The following CUX2 variants were observed in gnomAD, a reference collection of about 807,000 sequenced individuals.
The protein encoded by CUX2 is homeobox protein cut-like 2.
A neutral mutation model predicts 144.8 loss-of-function variants in CUX2; 40 were observed. That is an observed-to-expected ratio of 0.28 (90% CI 0.21 to 0.36). The LOEUF (loss-of-function observed/expected upper bound fraction) is 0.36, where lower values mean the gene tolerates loss of function less well. Ranked by LOEUF, CUX2 falls within the 10% of genes least tolerant of loss-of-function variation. CUX2 has a pLI of 1.00. For synonymous variants in CUX2, 827 were observed against 875.6 expected (o/e 0.94, Z 0.98); for missense variants, 1,615 against 1,994.0 (o/e 0.81, Z 3.62).
At position 111,348,516 on chromosome 12, in the gene CUX2, T is replaced by G; in HGVS notation, c.*191T>G. ...GTGTGAGCAGGTGGGTCAAATGCCA[T>G]TGCCTCCACTTTTCTGCACCCCCCT... On this transcript the variant is annotated 3_prime_UTR_variant, in exon 22 of 22. Coordinates refer to ENST00000261726, the MANE Select transcript of CUX2 (RefSeq NM_015267.4). 1.6e-6 allele frequency: 1 copy of G among 610,970 alleles called. No individual in the cohort carries two copies. The highest frequency in any genetic ancestry group is 2.8e-6 in the Non-Finnish European group (1 of 356,570). The allele number at this position is 610,970 out of a possible 1,614,324, so 37.8% of individuals were successfully genotyped here.
At chr12:111,103,609 T>C (rs1873404425) in intron 1 of CUX2, among the ~76,000 whole-genome samples, 1 of 152,176 alleles carries the variant, frequency 6.6e-6, no homozygotes, top group Non-Finnish European at 1.5e-5. Flanking sequence ...GAATCTCAAA[T>C]AGACTTTTCA....
At chr12:111,244,849 C>A (rs1052992217) in intron 3 of CUX2, among the ~76,000 whole-genome samples, 1 of 152,168 alleles carries the variant, frequency 6.6e-6, no homozygotes, top group Non-Finnish European at 1.5e-5. Context: ...AAGCAGAAAC[C>A]AGATTTCATT....
At position 111,034,331 on chromosome 12, in the gene CUX2, C is replaced by A; in HGVS notation, c.63+91C>A. The A allele has an allele frequency of 1.4e-6, 1 of 723,284 alleles. No homozygotes were observed. The highest frequency in any genetic ancestry group is 1.7e-6 in the Non-Finnish European group (1 of 581,146). 44.8% of individuals were successfully genotyped at this position (723,284 alleles called of 1,614,324 possible). A position where few individuals can be genotyped will look rare whatever the true frequency, so the allele number is the denominator to read the frequency against. On this transcript the variant is annotated intron_variant, in intron 1 of 21. Transcript: ENST00000261726. This position sits in a 1 kb window ranked among gnomAD's most constrained non-coding sequence, Gnocchi z 4.2. ...GGAGGTCCCCGGGCGGGCAGGCGGA[C>A]GCCCTGGGGCGGCGGGCGGCGGCTG... is the stretch of plus-strand genomic sequence containing the variant.
chr12:111,254,609 T>C (rs571425339), intron 3 of CUX2, among the ~76,000 whole-genome samples: 37 of 152,276 alleles, frequency 2.4e-4, no homozygotes, highest in African/African-American at 8.7e-4. Flanking sequence ...CTCAAAACGA[T>C]TTAATGACTG....
At chr12:111,309,908 T>G (rs1886795865) in intron 14 of CUX2, 133 bp from the exon 15 acceptor site, 1 of 758,200 alleles carries the variant, frequency 1.3e-6, no homozygotes, top group South Asian at 6.7e-5. Flanking sequence ...TGATGTGGTT[T>G]CTCTCTCTGT....
chr12:111,059,847 AC>A lies in CUX2; in HGVS notation c.63+25611del. Among the ~76,000 whole-genome samples, 1 of 151,906 alleles carries A rather than the reference AC, an allele frequency of 6.6e-6. No individual in the cohort carries two copies. The highest frequency in any genetic ancestry group is 6.6e-5 in the Admixed American group (1 of 15,264). On this transcript the variant is annotated intron_variant, in intron 1 of 21. Transcript: ENST00000261726. The surrounding 1 kb of genome is among the most constrained non-coding windows in gnomAD (Gnocchi z 5.3). ...GCATGGGCCCCTTTCTCCCCAGCTT[AC>A]CCCTACCAGACTTAAGCCTGACTTC...
At chr12:111,213,835 A>T (rs1175424465) in intron 1 of CUX2, among the ~76,000 whole-genome samples, 1 of 150,504 alleles carries the variant, frequency 6.6e-6, no homozygotes, top group Non-Finnish European at 1.5e-5. Flanking sequence ...TGGTCTGGAG[A>T]TGTTTTCTAC....
intron 3 of CUX2, among the ~76,000 whole-genome samples, chr12:111,254,495 T>TA (rs1883714562): frequency 6.6e-6 from 1 of 152,186 alleles, no homozygotes; most frequent in African/African-American, 2.4e-5. Context: ...ATCACTGACT[T>TA]ACACATGAGG....
At chr12:111,050,496 G>A (rs1360828225) in intron 1 of CUX2, among the ~76,000 whole-genome samples, 1 of 152,120 alleles carries the variant, frequency 6.6e-6, no homozygotes, top group Non-Finnish European at 1.5e-5. Context: ...AGGTCAAGAC[G>A]TTCAAAACCT....
intron 21 of CUX2, among the ~76,000 whole-genome samples, chr12:111,346,077 C>A (rs1888790460): frequency 6.8e-6 from 1 of 146,240 alleles, no homozygotes; most frequent in Non-Finnish European, 1.5e-5. Flanking sequence ...CACTGCACTC[C>A]AGCCTGGCAA....
At chr12:111,290,619 G>T (rs1189270085) in intron 4 of CUX2, among the ~76,000 whole-genome samples, 1 of 151,966 alleles carries the variant, frequency 6.6e-6, no homozygotes, top group African/African-American at 2.4e-5. Flanking sequence ...GTAGCAACGG[G>T]GTTTCACCAT....
At chr12:111,256,429 C>T (rs924584594) in intron 3 of CUX2, among the ~76,000 whole-genome samples, 3 of 152,172 alleles carry the variant, frequency 2.0e-5, no homozygotes, top group African/African-American at 4.8e-5. Context: ...TGCCTCCTCT[C>T]GCTTGTCCAC....
chr12:111,321,474 A>G (rs566670693), intron 17 of CUX2, among the ~76,000 whole-genome samples: 2 of 143,996 alleles, frequency 1.4e-5, no homozygotes, highest in African/African-American at 5.1e-5. Context: ...ATCTCAAAAG[A>G]AAAAAAAAAA....
chr12:111,098,000 C>T (rs1872931835), intron 1 of CUX2, among the ~76,000 whole-genome samples: 1 of 152,174 alleles, frequency 6.6e-6, no homozygotes, highest in Admixed American at 6.5e-5. Context: ...CTAAGAGCTA[C>T]AGGAAGCCAT....
rs1206055312 is a variant in CUX2, at chr12:111,320,415, C to T, written c.2406C>T (p.Ser802=). Residue 802 remains serine, a synonymous_variant, in exon 17 of 22, where the codon TCC becomes TCT. Transcript: ENST00000261726. This position sits in a 1 kb window ranked among gnomAD's most constrained non-coding sequence, Gnocchi z 8.1. The part of the protein sequence containing the change: ...DRGLLSRPYA[S]VSPSLSSSSS... ...GCCTGCTCAGCCGCCCCTACGCCTC[C>T]GTGTCGCCCTCGCTGTCCTCCTCCT... 2 of 1,597,642 alleles carry T rather than the reference C, an allele frequency of 1.3e-6. No homozygotes were observed. Among genetic ancestry groups the T allele is most frequent in the Admixed American group, 1.7e-5 (1 of 59,934 alleles).
chr12:111,347,830 C>T lies in CUX2; in HGVS notation c.3966C>T (p.Asp1322=). The change falls in exon 22 of 22, where the codon GAC becomes GAT. Residue 1322 remains aspartate (D), a synonymous_variant. Transcript: ENST00000261726. ...GSQPQDSGEL[D]KGQGPPKEEH... ...AGCCCCAGGACTCAGGGGAGCTGGA[C>T]AAAGGCCAAGGTCCCCCCAAAGAGG... 2 of 1,614,072 alleles carry T rather than the reference C, an allele frequency of 1.2e-6. No homozygotes were observed. The highest frequency in any genetic ancestry group is 1.7e-6 in the Non-Finnish European group (2 of 1,180,008).
chr12:111,274,506 A>C (rs1007147525), intron 4 of CUX2, among the ~76,000 whole-genome samples: 4 of 152,184 alleles, frequency 2.6e-5, no homozygotes, highest in Non-Finnish European at 5.9e-5. Flanking sequence ...ATCAGCACCC[A>C]GTGCCAAGAA....
At chr12:111,129,504 A>G (rs1875313179) in intron 1 of CUX2, among the ~76,000 whole-genome samples, 1 of 152,240 alleles carries the variant, frequency 6.6e-6, no homozygotes, top group Non-Finnish European at 1.5e-5. Flanking sequence ...CAATGAAACC[A>G]CATCTGCAAT....
intron 1 of CUX2, among the ~76,000 whole-genome samples, chr12:111,110,325 G>C: frequency 6.6e-6 from 1 of 152,154 alleles, no homozygotes; most frequent in East Asian, 1.9e-4. Context: ...TGTCACTGCT[G>C]TTTGCCTCTT....
Sources: allele counts gnomAD v4.1 joint callset (sites outside exome capture counted in the v4.1 genomes callset), GRCh38; gene constraint gnomAD v4.1.1; non-coding constraint Gnocchi (gnomAD v3.1); transcripts MANE v1.5; gene names NCBI Gene and HGNC (gene_info 2026-07-23, HGNC 2026-07-21).